Variants in SPEG observed in about 807,000 individuals in gnomAD.
The protein encoded by SPEG is striated muscle enriched protein kinase.
Under a neutral mutation model 300.4 loss-of-function variants are expected in SPEG, and 114 were observed. The ratio of observed to expected loss-of-function variants is 0.38; its 90% CI spans 0.33 to 0.44. The LOEUF is 0.44. SPEG is among the 20% of genes least tolerant of loss of function. SPEG has a pLI of 1.00. For missense variants in SPEG, 4,201 were observed against 4,586.2 expected (o/e 0.92, Z 2.43); for synonymous variants, 1,964 against 2,018.9 (o/e 0.97, Z 0.73).
chr2:219,491,204 T>C (rs1693942568), intron 38 of SPEG, among the ~76,000 whole-genome samples: 1 of 152,224 alleles, frequency 6.6e-6, no homozygotes, highest in African/African-American at 2.4e-5. Context: ...CAATTATAAA[T>C]GCTAGAGGCA....
chr2:219,458,429 T>C lies in SPEG; in HGVS notation c.2441-3453T>C, dbSNP rs988265987. 3.3e-5 allele frequency among the ~76,000 whole-genome samples: 5 copies of C among 151,750 alleles called. No individual in the cohort carries two copies. Among genetic ancestry groups the C allele is most frequent in the Admixed American group, 3.3e-4 (5 of 15,240 alleles). On this transcript the variant is annotated intron_variant, in intron 6 of 40. Transcript: ENST00000312358. The surrounding 1 kb of genome is among the most constrained non-coding windows in gnomAD (Gnocchi z 4.2). ...TTTTTTCCCAATAAGCGTTTTGCAC[T>C]CTTAAGAAATGCAGATTATTGGCCC...
intron 9 of SPEG, chr2:219,465,808 T>C (rs139393895): frequency 1.9e-4 from 114 of 591,108 alleles, no homozygotes; most frequent in Middle Eastern, 9.0e-4. Context: ...TGTGCGTGCA[T>C]GTGTGCGTGT....
chr2:219,485,517 CT>C, intron 31 of SPEG, 40 bp downstream of exon 31: 1 of 1,508,556 alleles, frequency 6.6e-7, no homozygotes, highest in South Asian at 1.3e-5. Flanking sequence ...TCCTCCCCTC[CT>C]GCCCTCCCCT....
intron 10 of SPEG, 23 bp from the exon 11 acceptor site, chr2:219,468,555 C>G: frequency 1.9e-6 from 3 of 1,606,926 alleles, no homozygotes; most frequent in Non-Finnish European, 2.5e-6. Context: ...TTCCCTATCT[C>G]TGAGCTGCCC....
At position 219,488,829 on chromosome 2, in the gene SPEG, C is replaced by T. The variant is rs200879669; in HGVS notation, c.8078C>T (p.Thr2693Met). 6.8e-5 allele frequency: 109 copies of T among 1,594,518 alleles called. No homozygotes were observed. Among genetic ancestry groups the T allele is most frequent in the Admixed American group, 1.1e-4 (6 of 56,710 alleles). The change falls in exon 34 of 41, where the codon ACG (threonine) becomes ATG (methionine). Residue 2693 changes from threonine to methionine, a missense_variant. By Grantham distance (81) the Thr-to-Met change is moderately conservative. This residue lies in a region of SPEG where 1,578 missense variants were observed against 1,506.0 expected (regional missense o/e 1.05). Transcript: ENST00000312358. ...GAGGTACCCCAGACCTACCAGGACA[C>T]GGCGCTGGTGCTGTGGAAGCCGGGA... ...PPEVPQTYQD[T>M]ALVLWKPGDS... is the part of the protein sequence containing the mutation.
At position 219,468,711 on chromosome 2, in the gene SPEG, C is replaced by G. The variant is rs111484382; in HGVS notation, c.3276C>G (p.Pro1092=). 25 of 1,614,150 alleles carry G rather than the reference C, an allele frequency of 1.5e-5. No homozygotes were observed. Among genetic ancestry groups the G allele is most frequent in the African/African-American group, 1.2e-4 (9 of 75,054 alleles). ...ACTGCAAGATCAGTGGCACCCCGCC[C>G]CCTGTTGTTACCTGGACTCATTTTG... ...RFDCKISGTP[P]PVVTWTHFGC... Residue 1092 remains proline, a synonymous_variant, in exon 11 of 41, where the codon CCC becomes CCG. Transcript: ENST00000312358.
At position 219,484,828 on chromosome 2, in the gene SPEG, G is replaced by A. The variant is rs1019048570; in HGVS notation, c.7365G>A (p.Arg2455=). 1.3e-5 allele frequency: 19 copies of A among 1,503,560 alleles called. No individual in the cohort carries two copies. Among genetic ancestry groups the A allele is most frequent in the African/African-American group, 4.4e-5 (3 of 68,786 alleles). 93.1% of individuals were successfully genotyped at this position (1,503,560 alleles called of 1,614,324 possible). A position where few individuals can be genotyped will look rare whatever the true frequency, so the allele number is the denominator to read the frequency against. ...GCTCCCCGGTGCTGGCGATGCGCAGGCGGCTGAGCTTCACCCTGGAGCGGC... is the reference window on the plus strand; with the variant it reads ...GCTCCCCGGTGCTGGCGATGCGCAGACGGCTGAGCTTCACCCTGGAGCGGC... ...ARGSPVLAMR[R]RLSFTLERLS... The change falls in exon 30 of 41, where the codon AGG becomes AGA. Residue 2455 remains arginine (R), a synonymous_variant. Coordinates refer to ENST00000312358, the MANE Select transcript of SPEG (RefSeq NM_005876.5).
Position 219,483,976 on chromosome 2 carries a change from C to T in SPEG, c.6513C>T (p.Ser2171=), listed in dbSNP as rs754112127. 11 of 1,610,118 alleles carry T rather than the reference C, an allele frequency of 6.8e-6. No individual in the cohort carries two copies. Among genetic ancestry groups the T allele is most frequent in the African/African-American group, 5.3e-5 (4 of 74,886 alleles). ...LQESPSLSAL[S]EAQPSSPARP... ...AGTCTCCTTCCCTGTCTGCCCTCAG[C>T]GAGGCCCAGCCATCCAGCCCTGCAC... Residue 2171 remains serine (S), a synonymous_variant, in exon 30 of 41, where the codon AGC becomes AGT. Coordinates refer to ENST00000312358, the MANE Select transcript of SPEG (RefSeq NM_005876.5).
chr2:219,479,105 G>T lies in SPEG; in HGVS notation c.5028-39G>T. The T allele has an allele frequency of 6.2e-7, 1 of 1,602,498 alleles. No individual in the cohort carries two copies. ...CCTGAGCGCTGGGCTGGGCCGGGCA[G>T]TTGGCACTGGGCACTGTTCTCCTTG... On this transcript the variant is annotated intron_variant, in intron 22 of 40. Transcript: ENST00000312358. The surrounding 1 kb of genome is among the most constrained non-coding windows in gnomAD (Gnocchi z 5.5).
intron 9 of SPEG, chr2:219,465,283 G>A (rs1691163978): frequency 6.5e-6 from 1 of 152,768 alleles, no homozygotes; most frequent in Non-Finnish European, 1.5e-5. Flanking sequence ...CGTTTATCTT[G>A]CCTTCCACCT....
At position 219,443,054 on chromosome 2, in the gene SPEG, G is replaced by T; in HGVS notation, c.389-1599G>T. 6.7e-7 allele frequency: 1 copy of T among 1,493,512 alleles called. No homozygotes were observed. The allele number at this position is 1,493,512 out of a possible 1,614,324, so 92.5% of individuals were successfully genotyped here. ...TGCAGGTCTGGATGGGAGGCACAGG[G>T]ACCTTAGGAACAAGCCTCCCCCTCA... On this transcript the variant is annotated intron_variant, in intron 1 of 40. Coordinates refer to ENST00000312358, the MANE Select transcript of SPEG (RefSeq NM_005876.5). The surrounding 1 kb of genome is among the most constrained non-coding windows in gnomAD (Gnocchi z 4.6).
Position 219,484,160 on chromosome 2 carries a change from C to CA in SPEG, c.6698dup (p.Ala2234GlyfsTer89). 6.2e-7 allele frequency: 1 copy of CA among 1,613,726 alleles called. No individual in the cohort carries two copies. Among genetic ancestry groups the CA allele is most frequent in the Non-Finnish European group, 8.5e-7 (1 of 1,179,978 alleles). ...AGCCTCCAAGCCTGCACCACCCCCC[C>CA]AGGCCCTGCAAACCCTAGCGCTGCC... On this transcript the variant is annotated frameshift_variant, in exon 30 of 41. Coordinates refer to ENST00000312358, the MANE Select transcript of SPEG (RefSeq NM_005876.5). LOFTEE classifies it high-confidence loss of function.
Position 219,451,848 on chromosome 2 carries a change from C to T in SPEG, c.2440+41C>T, listed in dbSNP as rs775940396. ...ACCCTGGGGCTGGGTGGGGGCAAGC[C>T]GTGACTCTCCCCTGGCCCAGGCCCC... On this transcript the variant is annotated intron_variant, in intron 6 of 40. Transcript: ENST00000312358. The surrounding 1 kb of genome is among the most constrained non-coding windows in gnomAD (Gnocchi z 6.4). The T allele has an allele frequency of 2.6e-5, 39 of 1,485,034 alleles. 1 individual carries two copies. In the East Asian group the frequency reaches 8.1e-4, roughly 31 times the overall value. The allele number at this position is 1,485,034 out of a possible 1,614,324, so 92.0% of individuals were successfully genotyped here.
In SPEG at chr2:219,448,706, C is replaced by T. The variant is rs1385894807; in HGVS notation, c.1548C>T (p.Ser516=). The change falls in exon 4 of 41, where the codon TCC becomes TCT. Residue 516 remains serine (S), a synonymous_variant. Coordinates refer to ENST00000312358, the MANE Select transcript of SPEG (RefSeq NM_005876.5). ...SREELVRSHE[S]LRATLQRAPS... ...AGGAGCTGGTGCGCTCGCACGAGTC[C>T]CTGCGCGCCACGCTGCAGCGTGCCC... is the stretch of plus-strand genomic sequence containing the variant. 1.3e-6 allele frequency: 2 copies of T among 1,493,534 alleles called. No individual in the cohort carries two copies. Among genetic ancestry groups the T allele is most frequent in the African/African-American group, 2.9e-5 (2 of 68,476 alleles). 92.5% of individuals were successfully genotyped at this position (1,493,534 alleles called of 1,614,324 possible). A position where few individuals can be genotyped will look rare whatever the true frequency, so the allele number is the denominator to read the frequency against.
rs73087217 is a variant in SPEG, at chr2:219,484,633, C to T, written c.7170C>T (p.Arg2390=). The T allele has an allele frequency of 5.2e-3, 8,026 of 1,541,482 alleles. 371 individuals carry two copies. In the African/African-American group the frequency reaches 0.094, roughly 18 times the overall value. ...TPLELVRRPE[R]SRSVQDLRAV... is the part of the protein sequence containing the mutation. Reference sequence around the variant, plus strand: ...TGGAGCTGGTGCGACGGCCTGAGCGCTCACGCTCGGTGCAGGACCTCAGGG... The same window carrying T: ...TGGAGCTGGTGCGACGGCCTGAGCGTTCACGCTCGGTGCAGGACCTCAGGG... The change falls in exon 30 of 41, where the codon CGC becomes CGT. Residue 2390 remains arginine, a synonymous_variant. Transcript: ENST00000312358.
chr2:219,435,338 G>A lies in SPEG; in HGVS notation c.361G>A (p.Ala121Thr), dbSNP rs1039128745. ...CGAGCGGGGCCGGGCCTCCTGCGAGGCGGTGCTCACAGTGCTGGAGGTCGG... is the reference window on the plus strand; with the variant it reads ...CGAGCGGGGCCGGGCCTCCTGCGAGACGGTGCTCACAGTGCTGGAGGTCGG... ...QNERGRASCE[A>T]VLTVLEVGDS... Residue 121 changes from alanine (A) to threonine (T), a missense_variant, in exon 1 of 41, where the codon GCG (alanine) becomes ACG (threonine). Transcript: ENST00000312358. 7 of 1,539,204 alleles carry A rather than the reference G, an allele frequency of 4.5e-6. No individual in the cohort carries two copies. Among genetic ancestry groups the A allele is most frequent in the South Asian group, 3.5e-5 (3 of 84,964 alleles).
In SPEG at chr2:219,488,798, C is replaced by G. The variant is rs1468339574; in HGVS notation, c.8047C>G (p.Pro2683Ala). 3 of 1,601,764 alleles carry G rather than the reference C, an allele frequency of 1.9e-6. No homozygotes were observed. The highest frequency in any genetic ancestry group is 1.7e-6 in the Non-Finnish European group (2 of 1,173,350). ...GCCAGGAGTCCCAGGAAAGCTAGCT[C>G]CTCCAGAGGTACCCCAGACCTACCA... ...AVARVPGKLA[P>A]PEVPQTYQDT... is the part of the protein sequence containing the mutation. Residue 2683 changes from proline (P) to alanine (A), a missense_variant, in exon 34 of 41, where the codon CCT (proline) becomes GCT (alanine). By Grantham distance (27) the Pro-to-Ala change is conservative. This residue lies in a region of SPEG where 1,578 missense variants were observed against 1,506.0 expected (regional missense o/e 1.05). Coordinates refer to ENST00000312358, the MANE Select transcript of SPEG (RefSeq NM_005876.5).
chr2:219,438,015 G>A (rs1954764566), intron 1 of SPEG, among the ~76,000 whole-genome samples: 1 of 152,132 alleles, frequency 6.6e-6, no homozygotes, highest in South Asian at 2.1e-4. Context: ...TGGCACTCCT[G>A]AAGCCGGATA....
chr2:219,471,925 A>G lies in SPEG; in HGVS notation c.3773A>G (p.Tyr1258Cys). 1 of 1,613,974 alleles carries G rather than the reference A, an allele frequency of 6.2e-7. No homozygotes were observed. Among genetic ancestry groups the G allele is most frequent in the Non-Finnish European group, 8.5e-7 (1 of 1,180,002 alleles). ...GTGGGGCCTCAGCACGCCGGTGTCTACAAGAGCGTCATTGCCAACAAGCTG... is the reference window on the plus strand; with the variant it reads ...GTGGGGCCTCAGCACGCCGGTGTCTGCAAGAGCGTCATTGCCAACAAGCTG... ...PAVGPQHAGVYKSVIANKLGK... is the reference protein window; with the variant it reads ...PAVGPQHAGVCKSVIANKLGK... The change falls in exon 14 of 41, where the codon TAC (tyrosine) becomes TGC (cysteine). Residue 1258 changes from tyrosine (Y) to cysteine (C), a missense_variant. By Grantham distance (194) the Tyr-to-Cys change is radical. Coordinates refer to ENST00000312358, the MANE Select transcript of SPEG (RefSeq NM_005876.5).
Sources: allele counts gnomAD v4.1 joint callset (sites outside exome capture counted in the v4.1 genomes callset), GRCh38; gene constraint gnomAD v4.1.1; regional missense constraint gnomAD v4.1.1; non-coding constraint Gnocchi (gnomAD v3.1); transcripts MANE v1.5; gene names NCBI Gene and HGNC (gene_info 2026-07-23, HGNC 2026-07-21).